Variants in MCC observed in about 807,000 individuals in gnomAD.
The protein encoded by MCC is colorectal mutant cancer protein.
A neutral mutation model predicts 116.2 loss-of-function variants in MCC; 90 were observed. The observed-to-expected ratio is 0.77, with a 90% CI of 0.65 to 0.92. The LOEUF is 0.92. Ranked by LOEUF, MCC falls within the 40% of genes least tolerant of loss-of-function variation. The probability of loss-of-function intolerance (pLI) is 0.00; values close to 1 mark genes in which losing one functional copy is unlikely to be tolerated. For missense variants in MCC, 1,516 were observed against 1,312.2 expected, an observed-to-expected ratio of 1.16 and a Z score of -2.40; for synonymous variants, 578 against 510.5, an observed-to-expected ratio of 1.13 and a Z score of -1.78.
chr5:113,340,490 ATG>A, intron 3 of MCC, 27 bp downstream of exon 3: 1 of 1,584,342 alleles, frequency 6.3e-7, no homozygotes, highest in Non-Finnish European at 8.7e-7. Flanking sequence ...AGGCCGAAAT[ATG>A]TATTCCATGA....
intron 1 of MCC, among the ~76,000 whole-genome samples, chr5:113,423,282 G>GT (rs1770390014): frequency 6.6e-6 from 1 of 152,180 alleles, no homozygotes; most frequent in South Asian, 2.1e-4. Context: ...GAATATACAT[G>GT]TTAGATAAGC....
At chr5:113,112,534 G>A (rs1757159627) in intron 6 of MCC, among the ~76,000 whole-genome samples, 1 of 152,172 alleles carries the variant, frequency 6.6e-6, no homozygotes, top group African/African-American at 2.4e-5. Context: ...TACAGCCTGT[G>A]GAACTGTGAA....
At chr5:113,433,589 G>T in intron 1 of MCC, 1 of 1,067,086 alleles carries the variant, frequency 9.4e-7, no homozygotes. Flanking sequence ...AACCATGTGG[G>T]TTACCAAGTT....
chr5:113,137,997 C>T (rs1758941735), intron 5 of MCC, among the ~76,000 whole-genome samples: 1 of 151,348 alleles, frequency 6.6e-6, no homozygotes, highest in Non-Finnish European at 1.5e-5. Context: ...CTAGGGTAGT[C>T]ACAGAAGGTC....
At chr5:113,317,542 T>C (rs1182103639) in intron 3 of MCC, among the ~76,000 whole-genome samples, 1 of 152,234 alleles carries the variant, frequency 6.6e-6, no homozygotes, top group African/African-American at 2.4e-5. Flanking sequence ...GGGATGTTTA[T>C]GGCCAGGTGC....
At chr5:113,308,962 T>C (rs1376446249) in intron 3 of MCC, among the ~76,000 whole-genome samples, 4 of 152,218 alleles carry the variant, frequency 2.6e-5, no homozygotes, top group African/African-American at 9.6e-5. Flanking sequence ...TCCATTGCTA[T>C]GGCTAGTCCC....
intron 8 of MCC, among the ~76,000 whole-genome samples, chr5:113,088,616 A>G (rs1188238261): frequency 6.6e-6 from 1 of 152,040 alleles, no homozygotes; most frequent in African/African-American, 2.4e-5. Context: ...CACAGGGAAG[A>G]AGGTCCTGTG....
intron 3 of MCC, among the ~76,000 whole-genome samples, chr5:113,272,815 G>C (rs868240582): frequency 6.6e-6 from 1 of 152,248 alleles, no homozygotes; most frequent in African/African-American, 2.4e-5. Context: ...CTCTGCTATC[G>C]TATCTGGCAA....
At chr5:113,251,840 G>A (rs934234437) in intron 3 of MCC, among the ~76,000 whole-genome samples, 1 of 152,078 alleles carries the variant, frequency 6.6e-6, no homozygotes, top group Non-Finnish European at 1.5e-5. Flanking sequence ...CATATTCAAC[G>A]ACGCCTACAA....
intron 3 of MCC, among the ~76,000 whole-genome samples, chr5:113,223,626 G>A (rs1763630841): frequency 6.6e-6 from 1 of 152,080 alleles, no homozygotes; most frequent in East Asian, 1.9e-4. Context: ...TTAAAGCAGG[G>A]ATTAAATGGT....
intron 3 of MCC, among the ~76,000 whole-genome samples, chr5:113,277,083 C>T (rs1231045722): frequency 4.6e-5 from 7 of 151,952 alleles, no homozygotes; most frequent in Non-Finnish European, 1.0e-4. Context: ...TGGCTCACAC[C>T]TGTAATCCCA....
chr5:113,438,352 G>A (rs1240346269), intron 1 of MCC, among the ~76,000 whole-genome samples: 2 of 152,196 alleles, frequency 1.3e-5, no homozygotes, highest in Non-Finnish European at 2.9e-5. Context: ...ACACGGGGCA[G>A]ATAAATCTGG....
intron 1 of MCC, among the ~76,000 whole-genome samples, chr5:113,392,514 T>TAA (rs543127777): frequency 7.1e-6 from 1 of 141,750 alleles, no homozygotes; most frequent in African/African-American, 2.6e-5. Flanking sequence ...TGGCAACATC[T>TAA]AAAAAAAAAA....
chr5:113,088,973 C>G (rs1235198293), intron 8 of MCC, among the ~76,000 whole-genome samples: 2 of 152,130 alleles, frequency 1.3e-5, no homozygotes, highest in Non-Finnish European at 2.9e-5. Flanking sequence ...AATTATGTTT[C>G]TCTCTACAAA....
rs957300672 is a variant in MCC at position 113,299,345 on chromosome 5, A to G, written c.627+41174T>C. 5.5e-3 allele frequency among the ~76,000 whole-genome samples: 726 copies of G among 133,058 alleles called. 4 individuals carry two copies. Among genetic ancestry groups the G allele is most frequent in the Non-Finnish European group, 6.6e-3 (417 of 63,088 alleles). The allele number at this position is 133,058 out of a possible 152,430, so 87.3% of individuals were successfully genotyped here. A position where few individuals can be genotyped will look rare whatever the true frequency, so the allele number is the denominator to read the frequency against. ...AAAAAAAAAAAAAAAAAAAAAAAAA[A>G]AGAGTAGGGCTTCTTGCATTGAGGG... On this transcript the variant is annotated intron_variant, in intron 3 of 18. Transcript: ENST00000408903.
intron 3 of MCC, among the ~76,000 whole-genome samples, chr5:113,197,924 C>A (rs565891762): frequency 6.6e-6 from 1 of 152,236 alleles, no homozygotes; most frequent in African/African-American, 2.4e-5. Flanking sequence ...AGGTGACACT[C>A]GTGTCATGTG....
intron 1 of MCC, among the ~76,000 whole-genome samples, chr5:113,458,813 G>A (rs1256460946): frequency 6.6e-6 from 1 of 152,108 alleles, no homozygotes; most frequent in Non-Finnish European, 1.5e-5. Context: ...TGCAGATAAG[G>A]ACAAAACCCA....
chr5:113,366,928 A>C (rs1350258708), intron 2 of MCC, among the ~76,000 whole-genome samples: 1 of 152,026 alleles, frequency 6.6e-6, no homozygotes, highest in Non-Finnish European at 1.5e-5. Context: ...CAGCTTCCCA[A>C]GTAGCTGGGA....
intron 3 of MCC, among the ~76,000 whole-genome samples, chr5:113,233,554 A>G (rs1340514223): frequency 1.3e-5 from 2 of 152,184 alleles, no homozygotes; most frequent in Non-Finnish European, 2.9e-5. Context: ...GATTGAGAAA[A>G]GGAATAAAAT....
Sources: gnomAD v4.1 joint callset for allele counts (sites outside exome capture counted in the v4.1 genomes callset) on GRCh38, gnomAD v4.1.1 for gene constraint, MANE v1.5 for transcripts, NCBI Gene and HGNC (gene_info 2026-07-23, HGNC 2026-07-21) for gene names.